The following FN3K variants were observed in gnomAD, a reference collection of about 807,000 sequenced individuals.
FN3K encodes the protein fructosamine-3-kinase.
Under a neutral mutation model 24.8 loss-of-function variants are expected in FN3K, and 24 were observed. That is an observed-to-expected ratio of 0.97 (90% CI 0.70 to 1.36). The LOEUF is 1.36. Among genes scored for constraint, FN3K ranks in the 40% most tolerant of loss-of-function variants. FN3K has a pLI of 0.00. For missense variants in FN3K, 449 were observed against 416.7 expected, an observed-to-expected ratio of 1.08 and a Z score of -0.67; for synonymous variants, 192 against 175.2, an observed-to-expected ratio of 1.10 and a Z score of -0.76.
intron 1 of FN3K, among the ~76,000 whole-genome samples, chr17:82,737,346 C>CT (rs914953954): frequency 3.2e-4 from 48 of 151,470 alleles, no homozygotes; most frequent in African/African-American, 9.2e-4. Flanking sequence ...AATTCCATCT[C>CT]TTTTTTTTTG....
At chr17:82,741,107 A>G (rs998750355) in intron 3 of FN3K, 1 of 676,880 alleles carries the variant, frequency 1.5e-6, no homozygotes, top group Non-Finnish European at 2.7e-6. Context: ...AACCCCTTTT[A>G]TACCCAGCCC....
intron 4 of FN3K, chr17:82,742,795 C>A (rs1175509430): frequency 2.2e-6 from 1 of 445,934 alleles, no homozygotes; most frequent in South Asian, 1.6e-5. Context: ...AGTTCAAAGT[C>A]ACTGCTTCTT....
At chr17:82,745,510 A>G (rs1196737049) in intron 4 of FN3K, 1 of 152,394 alleles carries the variant, frequency 6.6e-6, no homozygotes, top group Non-Finnish European at 1.5e-5. Flanking sequence ...CTCACTCAGC[A>G]TAATCATGCT....
intron 5 of FN3K, chr17:82,749,428 C>A (rs922683196): frequency 1.4e-4 from 43 of 304,120 alleles, no homozygotes; most frequent in African/African-American, 8.9e-4. Context: ...ATTTGGGAGG[C>A]CTAGGTGGGC....
chr17:82,750,412 C>T lies in FN3K; in HGVS notation c.592-5C>T, dbSNP rs200018029. The stretch of plus-strand genomic sequence containing the variant: ...CAGCGATAACTGCAGCCGTTGCTCT[C>T]GTAGGTGAAGATCCCGGATCTGTTT... On this transcript the variant is annotated splice_polypyrimidine_tract_variant and splice_region_variant and intron_variant, in intron 5 of 5. Transcript: ENST00000300784. 23 of 1,613,672 alleles carry T rather than the reference C, an allele frequency of 1.4e-5. No individual in the cohort carries two copies. Among genetic ancestry groups the T allele is most frequent in the East Asian group, 4.5e-5 (2 of 44,876 alleles).
At chr17:82,750,257 T>C (rs185544220) in intron 5 of FN3K, among the ~76,000 whole-genome samples, 160 bp from the exon 6 acceptor site, 174 of 152,230 alleles carry the variant, frequency 1.1e-3, no homozygotes, top group Non-Finnish European at 1.6e-3. Context: ...AAAGCTAGAC[T>C]CCCCTGAAGT....
chr17:82,749,515 T>C (rs1281132590), intron 5 of FN3K: 1 of 233,184 alleles, frequency 4.3e-6, no homozygotes. Flanking sequence ...AATGCAAAAA[T>C]TAACCGTGCA....
chr17:82,736,065 G>A (rs1020732567), intron 1 of FN3K: 9 of 408,168 alleles, frequency 2.2e-5, no homozygotes, highest in African/African-American at 1.5e-4. Context: ...TGGGGTCCTT[G>A]GCTCAGCTCT....
intron 1 of FN3K, 107 bp from the exon 2 acceptor site, chr17:82,738,382 T>G: frequency 1.4e-6 from 2 of 1,469,326 alleles, no homozygotes; most frequent in Non-Finnish European, 1.9e-6. Flanking sequence ...CAGCTATCAG[T>G]GAATGAAGGT....
In FN3K at chr17:82,749,605, A is replaced by G. The variant is rs536388447; in HGVS notation, c.591+628A>G. Reference sequence around the variant, plus strand: ...CTTGAACCCGGGAGGCGGAGGCTGCAGTGAGGGGAGATTGCACCATTGCAC... The same window carrying G: ...CTTGAACCCGGGAGGCGGAGGCTGCGGTGAGGGGAGATTGCACCATTGCAC... On this transcript the variant is annotated intron_variant, in intron 5 of 5. Coordinates refer to ENST00000300784, the MANE Select transcript of FN3K (RefSeq NM_022158.4). 2.8e-3 allele frequency: 492 copies of G among 172,714 alleles called. 4 individuals are homozygous for G. The highest frequency in any genetic ancestry group is 0.011 in the African/African-American group (462 of 41,838). 10.7% of individuals were successfully genotyped at this position (172,714 alleles called of 1,614,324 possible).
In FN3K at chr17:82,741,248, C is replaced by T. The variant is rs542591447; in HGVS notation, c.386-63C>T. 2.8e-3 allele frequency: 4,120 copies of T among 1,458,958 alleles called. 131 individuals are homozygous for T. The South Asian group carries it at 0.046, about 16-fold the overall frequency. 90.4% of individuals were successfully genotyped at this position (1,458,958 alleles called of 1,614,324 possible). On this transcript the variant is annotated intron_variant, in intron 3 of 5. Transcript: ENST00000300784. ...AGCCCAGGCTTGTACTGATGCTCTG[C>T]TGAGGTCTGGCATTTAAGAGAAAGA...
chr17:82,741,656 A>G (rs1015945985), intron 4 of FN3K: 1 of 440,892 alleles, frequency 2.3e-6, no homozygotes, highest in African/African-American at 2.0e-5. Flanking sequence ...TGTGTTGCAC[A>G]AGGCTCCTGA....
At chr17:82,737,835 G>A (rs1190615525) in intron 1 of FN3K, 1 of 152,364 alleles carries the variant, frequency 6.6e-6, no homozygotes, top group Non-Finnish European at 1.5e-5. Flanking sequence ...ATAGGCCAAG[G>A]TATTCATGGA....
chr17:82,741,596 G>T, intron 4 of FN3K: 1 of 541,670 alleles, frequency 1.8e-6, no homozygotes, highest in Non-Finnish European at 3.4e-6. Flanking sequence ...GGGACATGCT[G>T]GGGCAGGCAG....
intron 2 of FN3K, among the ~76,000 whole-genome samples, chr17:82,739,320 GCT>G (rs2046926893): frequency 6.6e-6 from 1 of 151,974 alleles, no homozygotes; most frequent in Non-Finnish European, 1.5e-5. Context: ...ACAGAGTCTT[GCT>G]CTGTTTCCCA....
chr17:82,750,147 A>T (rs575110451), intron 5 of FN3K, among the ~76,000 whole-genome samples: 1 of 152,310 alleles, frequency 6.6e-6, no homozygotes, highest in Non-Finnish European at 1.5e-5. Flanking sequence ...GTAGCGCAAC[A>T]CTGGTTCCTA....
chr17:82,740,812 C>G lies in FN3K; in HGVS notation c.343C>G (p.Gln115Glu). ...GATGGCAGATTTGCATCTTTACAAC[C>G]AGAAGCTCAGGGAGAAGTTGAAGGA... The part of the protein sequence containing the change: ...EQMADLHLYN[Q>E]KLREKLKEEE... Residue 115 changes from glutamine to glutamate, a missense_variant, in exon 3 of 6, where the codon CAG becomes GAG. Gln to Glu is a conservative substitution (Grantham distance 29). Transcript: ENST00000300784. 1 of 1,613,656 alleles carries G rather than the reference C, an allele frequency of 6.2e-7. No individual in the cohort carries two copies. Among genetic ancestry groups the G allele is most frequent in the Non-Finnish European group, 8.5e-7 (1 of 1,179,758 alleles).
intron 4 of FN3K, chr17:82,742,631 T>TA (rs2046946975): frequency 6.7e-6 from 3 of 446,424 alleles, no homozygotes; most frequent in African/African-American, 6.1e-5. Context: ...TATGGCTGAA[T>TA]AATACTGGAG....
At chr17:82,738,272 C>T (rs1179241613) in intron 1 of FN3K, 8 of 594,496 alleles carry the variant, frequency 1.3e-5, no homozygotes, top group Non-Finnish European at 2.1e-5. Flanking sequence ...CCACACCCCT[C>T]ACGGCCCAGG....
Sources: allele counts gnomAD v4.1 joint callset (sites outside exome capture counted in the v4.1 genomes callset), GRCh38; gene constraint gnomAD v4.1.1; transcripts MANE v1.5; gene names NCBI Gene and HGNC (gene_info 2026-07-23, HGNC 2026-07-21).